Variants in METTL2A observed in about 807,000 individuals in gnomAD.
METTL2A encodes methyltransferase 2A, tRNA N3-cytidine.
A neutral mutation model predicts 49.4 loss-of-function variants in METTL2A; 45 were observed. The ratio of observed to expected loss-of-function variants is 0.91; its 90% CI spans 0.72 to 1.17. The LOEUF is 1.17. METTL2A is among the 50% of genes most tolerant of loss of function. The probability of loss-of-function intolerance (pLI) is 0.00; values close to 1 mark genes in which losing one functional copy is unlikely to be tolerated. For synonymous variants in METTL2A, 118 were observed against 167.5 expected (o/e 0.70, Z 2.28); for missense variants, 361 against 462.2 (o/e 0.78, Z 2.01).
intron 7 of METTL2A, among the ~76,000 whole-genome samples, chr17:62,446,693 A>G (rs556577649): frequency 3.3e-5 from 5 of 152,344 alleles, no homozygotes; most frequent in Admixed American, 1.3e-4. Flanking sequence ...CACATAATAC[A>G]TGCAGGAGCA....
At position 62,423,985 on chromosome 17, in the gene METTL2A, C is replaced by T. The variant is rs762685343; in HGVS notation, c.83C>T (p.Pro28Leu). 3.0e-5 allele frequency: 48 copies of T among 1,613,876 alleles called. No homozygotes were observed. The Middle Eastern group carries it at 1.2e-3, about 39-fold the overall frequency. Reference protein sequence around the residue: ...QQFGSRFLRDPARVFHHNAWD... With the variant: ...QQFGSRFLRDLARVFHHNAWD... The stretch of plus-strand genomic sequence containing the variant: ...TTCGGAAGCCGGTTCCTGAGAGATC[C>T]GGCGCGCGTCTTCCACCACAATGCC... The change falls in exon 1 of 9, where the codon CCG (proline) becomes CTG (leucine). Residue 28 changes from proline (P) to leucine (L), a missense_variant. Physicochemically the swap from Pro to Leu is moderately conservative, Grantham distance 98. Around this residue, in one of 3 missense-constraint regions of METTL2A, gnomAD observed 150 missense variants for 170.1 expected, o/e 0.88. Coordinates refer to ENST00000311506, the MANE Select transcript of METTL2A (RefSeq NM_181725.4).
intron 6 of METTL2A, among the ~76,000 whole-genome samples, chr17:62,443,007 G>A (rs2070747097): frequency 6.6e-6 from 1 of 152,152 alleles, no homozygotes; most frequent in Admixed American, 6.5e-5. Flanking sequence ...CATCCAACCT[G>A]AGAGGATGAG....
intron 4 of METTL2A, among the ~76,000 whole-genome samples, chr17:62,434,684 T>G (rs1270644770): frequency 6.6e-6 from 1 of 152,234 alleles, no homozygotes; most frequent in Non-Finnish European, 1.5e-5. Flanking sequence ...ATAGTGAGGA[T>G]ACCAAGAAAA....
chr17:62,425,943 G>A (rs1025615187), intron 2 of METTL2A, among the ~76,000 whole-genome samples: 11 of 151,200 alleles, frequency 7.3e-5, no homozygotes, highest in Non-Finnish European at 1.0e-4. Context: ...GGAGCTTGCA[G>A]TGAGCCAAGA....
chr17:62,441,915 ATT>A (rs565196873), intron 6 of METTL2A, among the ~76,000 whole-genome samples: 1 of 122,932 alleles, frequency 8.1e-6, no homozygotes. Context: ...TAATTTTTGT[ATT>A]TTTTTTTTTT....
chr17:62,432,409 C>G (rs1348015141), intron 4 of METTL2A, among the ~76,000 whole-genome samples: 1 of 152,144 alleles, frequency 6.6e-6, no homozygotes, highest in Non-Finnish European at 1.5e-5. Flanking sequence ...TGGCCCATGC[C>G]TATAATCCCA....
At chr17:62,425,606 C>A (rs1397551544) in intron 2 of METTL2A, among the ~76,000 whole-genome samples, 3 of 146,580 alleles carry the variant, frequency 2.0e-5, no homozygotes, top group African/African-American at 5.0e-5. Context: ...AGGATGGTCT[C>A]GATCTCCTGA....
At chr17:62,436,336 C>G (rs2070700116) in intron 5 of METTL2A, among the ~76,000 whole-genome samples, 1 of 152,094 alleles carries the variant, frequency 6.6e-6, no homozygotes, top group Admixed American at 6.6e-5. Context: ...CACTTGAGAT[C>G]AGGAGTTCAA....
In METTL2A at chr17:62,427,167, G is replaced by T. The variant is rs561669718; in HGVS notation, c.558+513G>T. Among the ~76,000 whole-genome samples the T allele has an allele frequency of 5.9e-5, 9 of 152,254 alleles. No homozygotes were observed. In the East Asian group the frequency reaches 1.7e-3, roughly 29 times the overall value. On this transcript the variant is annotated intron_variant, in intron 3 of 8. Transcript: ENST00000311506. ...ATTGGTATAATGTAAATTCATAAAT[G>T]GGGACTGCGCACGTTACTGGAAGCT...
At chr17:62,431,220 C>T (rs1336898146) in intron 4 of METTL2A, among the ~76,000 whole-genome samples, 2 of 151,894 alleles carry the variant, frequency 1.3e-5, no homozygotes, top group Non-Finnish European at 2.9e-5. Flanking sequence ...AGGCGGGTCT[C>T]GAACTCCTGA....
chr17:62,431,578 T>C, intron 4 of METTL2A, among the ~76,000 whole-genome samples: 1 of 152,104 alleles, frequency 6.6e-6, no homozygotes, highest in Non-Finnish European at 1.5e-5. Flanking sequence ...GGGTTCTTAA[T>C]ATTTTTTTAA....
Position 62,440,686 on chromosome 17 carries a change from T to C in METTL2A, c.739T>C (p.Tyr247His). Residue 247 changes from tyrosine to histidine, a missense_variant, in exon 6 of 9, where the codon TAC becomes CAC. Coordinates refer to ENST00000311506, the MANE Select transcript of METTL2A (RefSeq NM_181725.4). The stretch of plus-strand genomic sequence containing the variant: ...CGACCTGTGTGATGAAGAGAAGAGT[T>C]ACCCAGTGCCCAAGGGCAGTCTTGA... Reference protein sequence around the residue: ...VHDLCDEEKSYPVPKGSLDII... With the variant: ...VHDLCDEEKSHPVPKGSLDII... 6.2e-7 allele frequency: 1 copy of C among 1,614,172 alleles called. No homozygotes were observed. Among genetic ancestry groups the C allele is most frequent in the Non-Finnish European group, 8.5e-7 (1 of 1,180,050 alleles).
rs1324223867 is a variant in METTL2A, at chr17:62,423,972, T to C, written c.70T>C (p.Phe24Leu). ...TAAGAGGCAGCAGTTCGGAAGCCGG[T>C]TCCTGAGAGATCCGGCGCGCGTCTT... ...ADKRQQFGSR[F>L]LRDPARVFHH... The change falls in exon 1 of 9, where the codon TTC becomes CTC. Residue 24 changes from phenylalanine (F) to leucine (L), a missense_variant. Phe to Leu is a conservative substitution (Grantham distance 22). Transcript: ENST00000311506. 6.2e-7 allele frequency: 1 copy of C among 1,613,900 alleles called. No individual in the cohort carries two copies. The highest frequency in any genetic ancestry group is 1.7e-5 in the Admixed American group (1 of 60,000).
At chr17:62,439,577 G>A in intron 5 of METTL2A, among the ~76,000 whole-genome samples, 1 of 151,830 alleles carries the variant, frequency 6.6e-6, no homozygotes, top group Non-Finnish European at 1.5e-5. Flanking sequence ...GGGACTACAG[G>A]CACCTGCCAC....
intron 2 of METTL2A, 60 bp downstream of exon 2, chr17:62,424,370 C>T: frequency 3.1e-6 from 5 of 1,606,214 alleles, no homozygotes; most frequent in Non-Finnish European, 4.2e-6. Context: ...ACGCGCCCTC[C>T]CGGAGAGGCC....
At chr17:62,435,085 A>G (rs2070691555) in intron 4 of METTL2A, 147 bp from the exon 5 acceptor site, 1 of 1,253,788 alleles carries the variant, frequency 8.0e-7, no homozygotes, top group East Asian at 2.4e-5. Flanking sequence ...TTTTAACCAA[A>G]ATGAAATATG....
At chr17:62,435,177 A>T in intron 4 of METTL2A, 55 bp from the exon 5 acceptor site, 2 of 1,613,302 alleles carry the variant, frequency 1.2e-6, no homozygotes, top group African/African-American at 1.3e-5. Context: ...CAAGAATGAG[A>T]GTAGACATAG....
intron 6 of METTL2A, among the ~76,000 whole-genome samples, chr17:62,442,358 C>G (rs998311815): frequency 2.0e-5 from 3 of 152,044 alleles, no homozygotes; most frequent in Non-Finnish European, 4.4e-5. Flanking sequence ...TCACTGCAAC[C>G]TCTGCCTCCA....
Position 62,448,776 on chromosome 17 carries a change from T to G in METTL2A, c.*47T>G. On this transcript the variant is annotated 3_prime_UTR_variant, in exon 9 of 9. Coordinates refer to ENST00000311506, the MANE Select transcript of METTL2A (RefSeq NM_181725.4). ...ATGCAAGCCCATTGTGTTTCCGGGC[T>G]TTTTTAAAAAAAAAATTGTAGCACT... 1 of 1,598,214 alleles carries G rather than the reference T, an allele frequency of 6.3e-7. No individual in the cohort carries two copies. Among genetic ancestry groups the G allele is most frequent in the East Asian group, 2.2e-5 (1 of 44,616 alleles).
Sources: allele counts gnomAD v4.1 joint callset (sites outside exome capture counted in the v4.1 genomes callset), GRCh38; gene constraint gnomAD v4.1.1; regional missense constraint gnomAD v4.1.1; transcripts MANE v1.5; gene names NCBI Gene and HGNC (gene_info 2026-07-23, HGNC 2026-07-21).